UNC5C: variants seen among roughly 807,000 people sequenced by gnomAD.
UNC5C encodes netrin receptor UNC5C.
A neutral mutation model predicts 99.8 loss-of-function variants in UNC5C; 47 were observed. That is an observed-to-expected ratio of 0.47 (90% confidence interval 0.37 to 0.60). UNC5C has a LOEUF of 0.60. Ranked by LOEUF, UNC5C falls within the 20% of genes least tolerant of loss-of-function variation. UNC5C has a pLI of 0.00. For synonymous variants in UNC5C, 487 were observed against 452.2 expected (o/e 1.08, Z -0.98); for missense variants, 1,062 against 1,165.9 (o/e 0.91, Z 1.30).
intron 1 of UNC5C, among the ~76,000 whole-genome samples, chr4:95,519,124 G>C (rs541382095): frequency 9.2e-5 from 14 of 152,242 alleles, no homozygotes; most frequent in African/African-American, 2.9e-4. Flanking sequence ...TCAAGACATA[G>C]AGTATAGAGA....
intron 2 of UNC5C, among the ~76,000 whole-genome samples, chr4:95,303,854 T>C (rs1741964605): frequency 6.6e-6 from 1 of 152,208 alleles, no homozygotes; most frequent in Admixed American, 6.5e-5. Context: ...CAATTCTTTA[T>C]AGTTTAATAA....
chr4:95,305,218 A>T (rs1482040997), intron 2 of UNC5C, among the ~76,000 whole-genome samples: 1 of 152,174 alleles, frequency 6.6e-6, no homozygotes, highest in Non-Finnish European at 1.5e-5. Context: ...AAAGAACTGA[A>T]GCATGAAGTA....
rs569694138 is a variant in UNC5C at position 95,516,693 on chromosome 4, A to G, written c.124+32041T>C. ...TTTCCCAAGTCCTGCTTCTAAGTCCATGGCTCTTGTAATCAAAGTAACATG... is the reference window on the plus strand; with the variant it reads ...TTTCCCAAGTCCTGCTTCTAAGTCCGTGGCTCTTGTAATCAAAGTAACATG... On this transcript the variant is annotated intron_variant, in intron 1 of 15. Coordinates refer to ENST00000453304, the MANE Select transcript of UNC5C (RefSeq NM_003728.4). 1.3e-4 allele frequency among the ~76,000 whole-genome samples: 20 copies of G among 152,276 alleles called. No individual in the cohort carries two copies. In the South Asian group the frequency reaches 3.7e-3, roughly 28 times the overall value.
intron 3 of UNC5C, among the ~76,000 whole-genome samples, chr4:95,298,984 C>G (rs1204486990): frequency 2.6e-5 from 4 of 152,114 alleles, no homozygotes; most frequent in Non-Finnish European, 5.9e-5. Context: ...AATCCTTACC[C>G]TTCCGAGCTA....
intron 1 of UNC5C, among the ~76,000 whole-genome samples, chr4:95,377,722 G>T (rs943753785): frequency 9.2e-5 from 14 of 152,130 alleles, no homozygotes; most frequent in African/African-American, 3.4e-4. Flanking sequence ...AGTCTGGGTG[G>T]TGCCAGGGGA....
At chr4:95,454,655 T>C (rs993468245) in intron 1 of UNC5C, among the ~76,000 whole-genome samples, 1 of 152,006 alleles carries the variant, frequency 6.6e-6, no homozygotes, top group Non-Finnish European at 1.5e-5. Flanking sequence ...AATGATACAC[T>C]GAGGAAGAGG....
intron 14 of UNC5C, among the ~76,000 whole-genome samples, chr4:95,172,452 A>C (rs1736160960): frequency 2.0e-5 from 3 of 152,190 alleles, no homozygotes; most frequent in Admixed American, 6.5e-5. Flanking sequence ...TCAGCTTTCT[A>C]CATATGGTTA....
chr4:95,303,019 T>C (rs1741931900), intron 2 of UNC5C, among the ~76,000 whole-genome samples: 2 of 152,190 alleles, frequency 1.3e-5, no homozygotes, highest in East Asian at 1.9e-4. Context: ...TTCAATCATA[T>C]GGTGAGCAGG....
chr4:95,350,413 T>C (rs1401584066), intron 1 of UNC5C, among the ~76,000 whole-genome samples: 1 of 151,828 alleles, frequency 6.6e-6, no homozygotes, highest in Non-Finnish European at 1.5e-5. Flanking sequence ...CTTGAACCCT[T>C]GAGGGGGAGG....
intron 1 of UNC5C, among the ~76,000 whole-genome samples, chr4:95,506,548 G>C (rs979452328): frequency 6.6e-6 from 1 of 151,852 alleles, no homozygotes; most frequent in Non-Finnish European, 1.5e-5. Context: ...AATATATGAC[G>C]TGTTACTTTA....
intron 1 of UNC5C, among the ~76,000 whole-genome samples, chr4:95,407,944 G>A (rs981584629): frequency 6.6e-6 from 1 of 152,154 alleles, no homozygotes; most frequent in African/African-American, 2.4e-5. Flanking sequence ...GAATACCTGG[G>A]TAAAAACCAG....
intron 14 of UNC5C, among the ~76,000 whole-genome samples, chr4:95,172,937 C>G (rs977116417): frequency 6.6e-6 from 1 of 152,038 alleles, no homozygotes; most frequent in African/African-American, 2.4e-5. Flanking sequence ...TTGTAGTTCT[C>G]CTTGAAGAGG....
At chr4:95,534,324 T>C (rs1256332150) in intron 1 of UNC5C, among the ~76,000 whole-genome samples, 3 of 152,178 alleles carry the variant, frequency 2.0e-5, no homozygotes, top group African/African-American at 7.2e-5. Flanking sequence ...TGCATTAATT[T>C]GGGTTATAAA....
At chr4:95,332,336 G>T (rs1743147210) in intron 2 of UNC5C, among the ~76,000 whole-genome samples, 1 of 149,562 alleles carries the variant, frequency 6.7e-6, no homozygotes, top group Non-Finnish European at 1.5e-5. Flanking sequence ...CAAGGCTACA[G>T]TAACCAAAAC....
At chr4:95,175,558 G>C (rs1189658306) in intron 14 of UNC5C, among the ~76,000 whole-genome samples, 1 of 152,136 alleles carries the variant, frequency 6.6e-6, no homozygotes, top group Non-Finnish European at 1.5e-5. Flanking sequence ...CTTTAAGAAT[G>C]TTGAATATTG....
intron 1 of UNC5C, among the ~76,000 whole-genome samples, chr4:95,457,913 T>C (rs1013824760): frequency 6.6e-6 from 1 of 150,672 alleles, no homozygotes; most frequent in African/African-American, 2.5e-5. Context: ...AATTTTAGCC[T>C]GAGGAGATTG....
chr4:95,342,199 G>A (rs1743604747), intron 1 of UNC5C, among the ~76,000 whole-genome samples: 1 of 152,064 alleles, frequency 6.6e-6, no homozygotes, highest in Non-Finnish European at 1.5e-5. Flanking sequence ...GAGTGCTTGT[G>A]CCACCCCTCC....
chr4:95,187,697 A>G (rs1192785824), intron 12 of UNC5C, among the ~76,000 whole-genome samples: 3 of 152,212 alleles, frequency 2.0e-5, no homozygotes, highest in African/African-American at 7.2e-5. Flanking sequence ...GAAAAAGCCT[A>G]GACTGGCTTG....
At chr4:95,247,544 A>G (rs1180465484) in intron 5 of UNC5C, among the ~76,000 whole-genome samples, 3 of 152,190 alleles carry the variant, frequency 2.0e-5, no homozygotes, top group Non-Finnish European at 4.4e-5. Flanking sequence ...CAGAGATGAA[A>G]AAGTCTTTGA....
Sources: gnomAD v4.1 joint callset for allele counts (sites outside exome capture counted in the v4.1 genomes callset) on GRCh38, gnomAD v4.1.1 for gene constraint, MANE v1.5 for transcripts, NCBI Gene and HGNC (gene_info 2026-07-23, HGNC 2026-07-21) for gene names.